SRGAP2: variants seen among roughly 807,000 people sequenced by gnomAD.
The protein encoded by SRGAP2 is SLIT-ROBO Rho GTPase-activating protein 2.
A neutral mutation model predicts 57.2 loss-of-function variants in SRGAP2; 15 were observed. The observed-to-expected ratio is 0.26, with a 90% confidence interval of 0.18 to 0.40. SRGAP2 has a LOEUF of 0.40. Ranked by LOEUF, SRGAP2 falls within the 10% of genes least tolerant of loss-of-function variation. The probability of loss-of-function intolerance (pLI) is 1.00; values close to 1 mark genes in which losing one functional copy is unlikely to be tolerated. For missense variants in SRGAP2, 520 were observed against 669.6 expected (o/e 0.78, Z 2.47); for synonymous variants, 249 against 248.0 (o/e 1.00, Z -0.04).
intron 10 of SRGAP2, among the ~76,000 whole-genome samples, chr1:206,415,421 T>C (rs1553361352): frequency 6.6e-6 from 1 of 152,222 alleles, no homozygotes; most frequent in Non-Finnish European, 1.5e-5. Flanking sequence ...CTCCACATCC[T>C]GGGCTTGCAG....
intron 4 of SRGAP2, among the ~76,000 whole-genome samples, chr1:206,362,465 C>T (rs1207382103): frequency 6.6e-6 from 1 of 151,428 alleles, no homozygotes; most frequent in Non-Finnish European, 1.5e-5. Context: ...TCCCCAAGCA[C>T]CACACCAGGC....
intron 2 of SRGAP2, among the ~76,000 whole-genome samples, chr1:206,295,913 T>G (rs1187820610): frequency 1.3e-5 from 2 of 151,794 alleles, no homozygotes; most frequent in Non-Finnish European, 2.9e-5. Flanking sequence ...ATTTATTTTA[T>G]TTTTTTGAGA....
intron 2 of SRGAP2, among the ~76,000 whole-genome samples, chr1:206,222,341 T>TC (rs1667049460): frequency 6.6e-6 from 1 of 151,932 alleles, no homozygotes; most frequent in African/African-American, 2.4e-5. Context: ...CCTTTTTTTT[T>TC]CACTGAGCAC....
intron 1 of SRGAP2, chr1:206,204,853 C>T (rs1168601958): frequency 7.5e-6 from 1 of 133,830 alleles, no homozygotes; most frequent in African/African-American, 3.2e-5. Context: ...TTCAGCTGAC[C>T]ACATTGTTTT....
At chr1:206,309,819 G>T (rs1278089206) in intron 3 of SRGAP2, among the ~76,000 whole-genome samples, 1 of 151,184 alleles carries the variant, frequency 6.6e-6, no homozygotes, top group African/African-American at 2.5e-5. Context: ...TGGGAGAGAT[G>T]AAAGTATATG....
At chr1:206,286,852 C>T (rs1671055528) in intron 2 of SRGAP2, among the ~76,000 whole-genome samples, 1 of 151,414 alleles carries the variant, frequency 6.6e-6, no homozygotes, top group Admixed American at 6.6e-5. Flanking sequence ...AGCTGGGGGC[C>T]AGTGAGTAAG....
intron 2 of SRGAP2, among the ~76,000 whole-genome samples, chr1:206,288,067 G>A (rs1464429299): frequency 6.6e-6 from 1 of 150,454 alleles, no homozygotes; most frequent in African/African-American, 2.5e-5. Context: ...ATAAACAGAA[G>A]GGTGGCTGGT....
At chr1:206,387,182 G>A (rs1553348890) in intron 5 of SRGAP2, among the ~76,000 whole-genome samples, 1 of 150,136 alleles carries the variant, frequency 6.7e-6, no homozygotes, top group African/African-American at 2.5e-5. Flanking sequence ...TTCTTCTGGA[G>A]ATTAAGATAG....
intron 19 of SRGAP2, 119 bp from the exon 20 acceptor site, chr1:206,453,081 C>T (rs900766099): frequency 9.0e-6 from 4 of 446,398 alleles, no homozygotes; most frequent in Middle Eastern, 5.4e-4. Context: ...TCCATGGCTT[C>T]GTTTTCCCAC....
intron 14 of SRGAP2, among the ~76,000 whole-genome samples, chr1:206,434,136 T>C (rs1661520661): frequency 6.6e-6 from 1 of 152,106 alleles, no homozygotes. Context: ...ATGCTGGGGA[T>C]TTTCACATCC....
chr1:206,307,597 C>G (rs1367761410), intron 3 of SRGAP2, among the ~76,000 whole-genome samples: 1 of 152,208 alleles, frequency 6.6e-6, no homozygotes, highest in Admixed American at 6.5e-5. Context: ...AGCCCTGCCC[C>G]GCGGGAAGGC....
intron 4 of SRGAP2, among the ~76,000 whole-genome samples, chr1:206,377,185 C>T (rs1221765098): frequency 3.3e-5 from 5 of 152,122 alleles, no homozygotes; most frequent in Non-Finnish European, 7.3e-5. Flanking sequence ...GAAGAGGAAT[C>T]CTGAAACAAG....
intron 13 of SRGAP2, 127 bp from the exon 14 acceptor site, chr1:206,430,035 C>T: frequency 1.4e-6 from 1 of 695,998 alleles, no homozygotes. Context: ...GAGGACAGGC[C>T]AGGTGCTTCT....
chr1:206,365,493 A>C (rs1653901921), intron 4 of SRGAP2, among the ~76,000 whole-genome samples: 1 of 151,454 alleles, frequency 6.6e-6, no homozygotes, highest in African/African-American at 2.4e-5. Context: ...TGGTTGACAG[A>C]AGAATTTCAA....
chr1:206,279,598 T>C (rs1670612677), intron 2 of SRGAP2, among the ~76,000 whole-genome samples: 1 of 111,002 alleles, frequency 9.0e-6, no homozygotes, highest in Non-Finnish European at 1.8e-5. Flanking sequence ...TTTTTTTTTT[T>C]TGTAGAGACA....
intron 2 of SRGAP2, among the ~76,000 whole-genome samples, chr1:206,237,366 G>A (rs1667975948): frequency 6.6e-6 from 1 of 151,970 alleles, no homozygotes; most frequent in African/African-American, 2.4e-5. Flanking sequence ...CTTAAAGTGT[G>A]GATCTTTCAA....
intron 21 of SRGAP2, chr1:206,455,356 G>T: frequency 3.1e-6 from 1 of 322,902 alleles, no homozygotes; most frequent in Non-Finnish European, 5.8e-6. Context: ...TATGCAACCT[G>T]GTTTTGTACT....
intron 2 of SRGAP2, among the ~76,000 whole-genome samples, chr1:206,275,850 C>T (rs1359619177): frequency 3.9e-5 from 6 of 152,058 alleles, no homozygotes; most frequent in East Asian, 1.9e-4. Context: ...CTCTTGACCT[C>T]GTGATCCACC....
chr1:206,370,627 T>C (rs1654453916), intron 4 of SRGAP2, among the ~76,000 whole-genome samples: 1 of 152,078 alleles, frequency 6.6e-6, no homozygotes, highest in African/African-American at 2.4e-5. Context: ...ACTAACAGGT[T>C]TGAGTTTTCT....
Sources: allele counts gnomAD v4.1 joint callset (sites outside exome capture counted in the v4.1 genomes callset), GRCh38; gene constraint gnomAD v4.1.1; transcripts MANE v1.5; gene names NCBI Gene and HGNC (gene_info 2026-07-23, HGNC 2026-07-21).